Variants in RTF1 observed in about 807,000 individuals in gnomAD.
RTF1 encodes RTF1 homolog, Paf1/RNA polymerase II complex component.
In RTF1, 10 loss-of-function variants were observed where a neutral mutation model predicts 95.7. That is an observed-to-expected ratio of 0.10 (90% confidence interval 0.06 to 0.18). RTF1 has a LOEUF of 0.18. RTF1 is among the 10% of genes least tolerant of loss of function. RTF1 has a pLI of 1.00. For missense variants in RTF1, 458 were observed against 875.6 expected (o/e 0.52, Z 6.02); for synonymous variants, 305 against 311.8 (o/e 0.98, Z 0.23).
chr15:41,417,743 A>G (rs886626430), intron 1 of RTF1, among the ~76,000 whole-genome samples: 6 of 152,180 alleles, frequency 3.9e-5, no homozygotes, highest in African/African-American at 9.7e-5. Context: ...GGCGAGGGCC[A>G]AGAAGATCCG....
At chr15:41,423,129 T>G (rs1289206501) in intron 1 of RTF1, among the ~76,000 whole-genome samples, 17 of 152,130 alleles carry the variant, frequency 1.1e-4, no homozygotes, top group Admixed American at 1.1e-3. Flanking sequence ...AGAATATTAT[T>G]ATTATAAAGT....
chr15:41,462,710 T>C (rs776561545), intron 4 of RTF1, among the ~76,000 whole-genome samples: 1 of 152,132 alleles, frequency 6.6e-6, no homozygotes, highest in Non-Finnish European at 1.5e-5. Flanking sequence ...CAACCACTAA[T>C]CTCCTTTCTG....
chr15:41,422,203 T>G (rs992403834), intron 1 of RTF1, among the ~76,000 whole-genome samples: 1 of 150,834 alleles, frequency 6.6e-6, no homozygotes, highest in Non-Finnish European at 1.5e-5. Flanking sequence ...CCTGGCTAAT[T>G]TTTTGTATTT....
Position 41,428,576 on chromosome 15 carries a change from CT to C in RTF1, c.199-9732del, listed in dbSNP as rs1232342225. On this transcript the variant is annotated intron_variant, in intron 1 of 17. Transcript: ENST00000389629. ...AGCTACCGTGTCCGGCCCCCTACTC[CT>C]TTTTTTTTTTTTGAAGACAGGGTCT... Among the ~76,000 whole-genome samples, 1,118 of 141,400 alleles carry C rather than the reference CT, an allele frequency of 7.9e-3. 5 individuals are homozygous for C. Among genetic ancestry groups the C allele is most frequent in the African/African-American group, 0.017 (653 of 38,794 alleles). The allele number at this position is 141,400 out of a possible 152,430, so 92.8% of individuals were successfully genotyped here.
chr15:41,422,006 C>T lies in RTF1; in HGVS notation c.198+4693C>T, dbSNP rs115433825. Among the ~76,000 whole-genome samples, 1,444 of 152,028 alleles carry T rather than the reference C, an allele frequency of 9.5e-3. 20 individuals are homozygous for T. The highest frequency in any genetic ancestry group is 0.033 in the African/African-American group (1,360 of 41,396). On this transcript the variant is annotated intron_variant, in intron 1 of 17. Coordinates refer to ENST00000389629, the MANE Select transcript of RTF1 (RefSeq NM_015138.5). ...GGAATTACAGGTGTGAGCTGCCACACCAGGCCTTATTTATTTATTTGTTTG... is the reference window on the plus strand; with the variant it reads ...GGAATTACAGGTGTGAGCTGCCACATCAGGCCTTATTTATTTATTTGTTTG...
intron 4 of RTF1, among the ~76,000 whole-genome samples, chr15:41,462,388 A>G (rs897916367): frequency 6.6e-6 from 1 of 152,140 alleles, no homozygotes; most frequent in African/African-American, 2.4e-5. Flanking sequence ...AAGGGCACTG[A>G]CATTGCAGTT....
intron 5 of RTF1, 61 bp downstream of exon 5, chr15:41,464,946 G>A (rs1288363711): frequency 6.9e-7 from 1 of 1,457,342 alleles, no homozygotes; most frequent in Non-Finnish European, 9.0e-7. Flanking sequence ...GTGTGTGTGT[G>A]TGTGTGTGTG....
At chr15:41,477,133 A>G (rs769532648) in intron 12 of RTF1, 32 bp from the exon 13 acceptor site, 2 of 1,614,100 alleles carry the variant, frequency 1.2e-6, no homozygotes, top group South Asian at 2.2e-5. Flanking sequence ...GTATGTAGCC[A>G]AGAACGAACT....
chr15:41,439,759 C>T (rs1368163035), intron 2 of RTF1, among the ~76,000 whole-genome samples: 1 of 152,138 alleles, frequency 6.6e-6, no homozygotes, highest in Non-Finnish European at 1.5e-5. Flanking sequence ...TCAAGCGATT[C>T]TCCTGCCTCA....
At chr15:41,467,149 A>T (rs1454763692) in intron 6 of RTF1, among the ~76,000 whole-genome samples, 1 of 152,204 alleles carries the variant, frequency 6.6e-6, no homozygotes, top group Non-Finnish European at 1.5e-5. Context: ...GTTCAACTGC[A>T]ATTCACCCTC....
intron 14 of RTF1, 88 bp downstream of exon 14, chr15:41,477,603 A>G: frequency 8.0e-7 from 1 of 1,248,648 alleles, no homozygotes; most frequent in Non-Finnish European, 1.2e-6. Flanking sequence ...TTATTTTTTA[A>G]TTATTGAAAT....
At chr15:41,473,917 G>A (rs1406768630) in intron 8 of RTF1, among the ~76,000 whole-genome samples, 2 of 152,028 alleles carry the variant, frequency 1.3e-5, no homozygotes, top group African/African-American at 4.8e-5. Flanking sequence ...TGTGCCTGTA[G>A]TCCCGGCTAC....
intron 11 of RTF1, 134 bp from the exon 12 acceptor site, chr15:41,476,312 T>G: frequency 1.4e-6 from 1 of 700,698 alleles, no homozygotes; most frequent in African/African-American, 1.8e-5. Flanking sequence ...TCTCTCTCTC[T>G]CTGGGGCATG....
chr15:41,434,956 G>A lies in RTF1; in HGVS notation c.199-3365G>A, dbSNP rs1226878563. The stretch of plus-strand genomic sequence containing the variant: ...GTACTAATGTCTTACTTTAGTTACA[G>A]TAACTCTTTTTTTTTTTTTTTTGAG... On this transcript the variant is annotated intron_variant, in intron 1 of 17. Coordinates refer to ENST00000389629, the MANE Select transcript of RTF1 (RefSeq NM_015138.5). Among the ~76,000 whole-genome samples, 4 of 146,892 alleles carry A rather than the reference G, an allele frequency of 2.7e-5. No homozygotes were observed. In the East Asian group the frequency reaches 8.1e-4, roughly 30 times the overall value.
At chr15:41,422,023 A>G (rs552482911) in intron 1 of RTF1, among the ~76,000 whole-genome samples, 31 of 151,804 alleles carry the variant, frequency 2.0e-4, no homozygotes, top group South Asian at 1.2e-3. Flanking sequence ...TTATTTATTT[A>G]TTTGTTTGTT....
intron 8 of RTF1, among the ~76,000 whole-genome samples, chr15:41,473,165 G>A (rs2050923205): frequency 6.6e-6 from 1 of 151,788 alleles, no homozygotes; most frequent in East Asian, 2.0e-4. Context: ...ACGGAGTCTC[G>A]CCCTGTCATC....
At chr15:41,419,551 T>TA (rs1229496133) in intron 1 of RTF1, among the ~76,000 whole-genome samples, 1 of 152,190 alleles carries the variant, frequency 6.6e-6, no homozygotes, top group African/African-American at 2.4e-5. Flanking sequence ...TTCATGGTGC[T>TA]AGAGTTCGTG....
rs750739121 is a variant in RTF1 at position 41,474,701 on chromosome 15, C to T, written c.1285C>T (p.Arg429Trp). Residue 429 changes from arginine to tryptophan, a missense_variant and splice_region_variant, in exon 9 of 18, where the codon CGG (arginine) becomes TGG (tryptophan). Transcript: ENST00000389629. ...CAGAACAAACAAAGGGCTGCAACTA[C>T]GGTAGGAGGCACTTCTGGGGTAGCT... ...GTRTNKGLQL[R>W]HGNDQRVFRL... The T allele has an allele frequency of 6.2e-6, 10 of 1,611,906 alleles. No individual in the cohort carries two copies. Among genetic ancestry groups the T allele is most frequent in the African/African-American group, 4.0e-5 (3 of 75,014 alleles).
chr15:41,478,435 T>G, intron 14 of RTF1, 113 bp from the exon 15 acceptor site: 1 of 767,730 alleles, frequency 1.3e-6, no homozygotes. Context: ...AGGAAAAGGA[T>G]AATAGCTTTT....
Sources: gnomAD v4.1 joint callset for allele counts (sites outside exome capture counted in the v4.1 genomes callset) on GRCh38, gnomAD v4.1.1 for gene constraint, MANE v1.5 for transcripts, NCBI Gene and HGNC (gene_info 2026-07-23, HGNC 2026-07-21) for gene names.